Variants in NAA16 observed in about 807,000 individuals in gnomAD.
NAA16 encodes NARG1-like protein.
Under a neutral mutation model 110.3 loss-of-function variants are expected in NAA16, and 97 were observed. The ratio of observed to expected loss-of-function variants is 0.88; its 90% CI spans 0.75 to 1.04. NAA16 has a LOEUF of 1.04. Ranked by LOEUF, NAA16 falls within the 50% of genes least tolerant of loss-of-function variation. The pLI is 0.00. For missense variants in NAA16, 1,017 were observed against 1,005.1 expected (o/e 1.01, Z -0.16); for synonymous variants, 372 against 330.6 (o/e 1.13, Z -1.36).
chr13:41,373,238 A>G, intron 17 of NAA16: 4 of 806,708 alleles, frequency 5.0e-6, no homozygotes, highest in Non-Finnish European at 6.0e-6. Flanking sequence ...TTTAATAATA[A>G]AGGTTTTTTG....
intron 1 of NAA16, among the ~76,000 whole-genome samples, chr13:41,314,237 G>A (rs2041748344): frequency 6.6e-6 from 1 of 152,016 alleles, no homozygotes; most frequent in South Asian, 2.1e-4. Context: ...GCTTCCAATA[G>A]GTGTTAACTA....
In NAA16 at chr13:41,318,887, G is replaced by T; in HGVS notation, c.221G>T (p.Arg74Leu). ...TATGAGTTTGTTCGTAAAGGACTTCGTAATGATGTCAAGAGTCATGTCTGT... is the reference window on the plus strand; with the variant it reads ...TATGAGTTTGTTCGTAAAGGACTTCTTAATGATGTCAAGAGTCATGTCTGT... ...EAYEFVRKGLRNDVKSHVCWH... is the reference protein window; with the variant it reads ...EAYEFVRKGLLNDVKSHVCWH... The change falls in exon 3 of 20, where the codon CGT becomes CTT. Residue 74 changes from arginine to leucine, a missense_variant. Physicochemically the swap from Arg to Leu is moderately radical, Grantham distance 102. Transcript: ENST00000379406. 1 of 1,600,604 alleles carries T rather than the reference G, an allele frequency of 6.2e-7. No homozygotes were observed. Among genetic ancestry groups the T allele is most frequent in the Non-Finnish European group, 8.5e-7 (1 of 1,172,416 alleles).
intron 5 of NAA16, among the ~76,000 whole-genome samples, chr13:41,323,736 C>G (rs928866398): frequency 6.6e-6 from 1 of 151,812 alleles, no homozygotes; most frequent in Non-Finnish European, 1.5e-5. Flanking sequence ...CATCCTGCCT[C>G]GTCTTCCTAA....
intron 14 of NAA16, 55 bp downstream of exon 14, chr13:41,367,707 A>G (rs907195000): frequency 8.4e-7 from 1 of 1,184,738 alleles, no homozygotes; most frequent in Non-Finnish European, 1.2e-6. Flanking sequence ...TCAGAATGCC[A>G]TTAGCGTAAA....
At chr13:41,361,905 T>C (rs1013660541) in intron 12 of NAA16, 126 bp from the exon 13 acceptor site, 2 of 1,009,374 alleles carry the variant, frequency 2.0e-6, no homozygotes, top group Non-Finnish European at 2.9e-6. Context: ...TTTGGAAACA[T>C]ACTGATATAT....
intron 9 of NAA16, among the ~76,000 whole-genome samples, chr13:41,337,549 A>AG: frequency 6.6e-6 from 1 of 151,958 alleles, no homozygotes; most frequent in East Asian, 1.9e-4. Context: ...TCTCAAAAAA[A>AG]AAAAAAAAAA....
At chr13:41,338,548 G>C (rs1297213334) in intron 9 of NAA16, among the ~76,000 whole-genome samples, 1 of 152,138 alleles carries the variant, frequency 6.6e-6, no homozygotes, top group Non-Finnish European at 1.5e-5. Flanking sequence ...CACCAAGTGT[G>C]TTTGCAAAAT....
In NAA16 at chr13:41,328,972, AG is replaced by A. The variant is rs1396268426; in HGVS notation, c.811+131del. On this transcript the variant is annotated intron_variant, in intron 7 of 19. Transcript: ENST00000379406. ...TCATTTTTCCATTTAGTAAAATTAT[AG>A]GTTAAACATGGGAGTAAAAATGAAT... 16 of 756,994 alleles carry A rather than the reference AG, an allele frequency of 2.1e-5. No homozygotes were observed. In the African/African-American group the frequency reaches 2.9e-4, roughly 14 times the overall value. 46.9% of individuals were successfully genotyped at this position (756,994 alleles called of 1,614,324 possible).
intron 9 of NAA16, among the ~76,000 whole-genome samples, chr13:41,339,120 T>TTTGTTG (rs56356158): frequency 5.9e-5 from 9 of 151,314 alleles, no homozygotes; most frequent in South Asian, 4.2e-4. Context: ...ATTTCTTGTT[T>TTTGTTG]TTGTTGTTGT....
intron 1 of NAA16, among the ~76,000 whole-genome samples, chr13:41,313,583 A>G (rs564577008): frequency 2.2e-4 from 34 of 152,344 alleles, no homozygotes; most frequent in African/African-American, 7.7e-4. Flanking sequence ...AATTTTTTCT[A>G]TTGAAAAAAT....
At chr13:41,371,569 T>C (rs2043318105) in intron 15 of NAA16, among the ~76,000 whole-genome samples, 1 of 152,180 alleles carries the variant, frequency 6.6e-6, no homozygotes, top group Non-Finnish European at 1.5e-5. Flanking sequence ...AAATATATTT[T>C]CTCTTCCTTA....
chr13:41,358,763 A>G, intron 11 of NAA16, 47 bp from the exon 12 acceptor site: 1 of 1,530,878 alleles, frequency 6.5e-7, no homozygotes, highest in Non-Finnish European at 8.8e-7. Flanking sequence ...TATTGTACTC[A>G]TATTCTCTTG....
At chr13:41,351,029 G>A (rs1490448221) in intron 9 of NAA16, among the ~76,000 whole-genome samples, 1 of 152,192 alleles carries the variant, frequency 6.6e-6, no homozygotes, top group African/African-American at 2.4e-5. Context: ...GTTTGTGAGT[G>A]TCAGGCTCTT....
chr13:41,369,750 G>A (rs1290898530), intron 15 of NAA16, among the ~76,000 whole-genome samples: 2 of 152,184 alleles, frequency 1.3e-5, no homozygotes, highest in South Asian at 2.1e-4. Flanking sequence ...GAAGATGGAA[G>A]GAGGGTGCCC....
intron 2 of NAA16, 37 bp from the exon 3 acceptor site, chr13:41,318,769 T>C (rs770907807): frequency 6.1e-6 from 7 of 1,147,842 alleles, no homozygotes; most frequent in Non-Finnish European, 8.6e-6. Context: ...AATAATTTTG[T>C]GTCATTTGTA....
intron 5 of NAA16, among the ~76,000 whole-genome samples, chr13:41,323,424 T>C (rs7994269): frequency 0.95 from 142,579 of 150,544 alleles, 67,591 homozygotes; most frequent in South Asian, 0.99. Context: ...GATCTCGGCT[T>C]GCTGCAAGCT....
intron 8 of NAA16, among the ~76,000 whole-genome samples, chr13:41,333,122 T>C (rs898991846): frequency 6.6e-5 from 10 of 152,112 alleles, no homozygotes; most frequent in African/African-American, 2.4e-4. Flanking sequence ...TCTCAGAGCT[T>C]TTAATATACA....
At position 41,355,208 on chromosome 13, in the gene NAA16, G is replaced by A. The variant is rs759498514; in HGVS notation, c.1079G>A (p.Ser360Asn). The A allele has an allele frequency of 6.3e-7, 1 of 1,576,754 alleles. No homozygotes were observed. Among genetic ancestry groups the A allele is most frequent in the Non-Finnish European group, 8.6e-7 (1 of 1,156,972 alleles). Reference sequence around the variant, plus strand: ...TCTCTTAAAACGTGTGACTTTTTTAGCCCATATGGTAAGTTTAAATTAGAT... The same window carrying A: ...TCTCTTAAAACGTGTGACTTTTTTAACCCATATGGTAAGTTTAAATTAGAT... ...EASLKTCDFFSPYENGEKEPP... is the reference protein window; with the variant it reads ...EASLKTCDFFNPYENGEKEPP... The change falls in exon 10 of 20, where the codon AGC becomes AAC. Residue 360 changes from serine to asparagine, a missense_variant. By Grantham distance (46) the Ser-to-Asn change is conservative (BLOSUM62 1). Transcript: ENST00000379406.
rs546731051 is a variant in NAA16, at chr13:41,366,237, T to C, written c.1540-1202T>C. ...TCTTACCCTCCATACTATGTACTTTTATTATAATTTTTGTCTTAAAGTCTC... is the reference window on the plus strand; with the variant it reads ...TCTTACCCTCCATACTATGTACTTTCATTATAATTTTTGTCTTAAAGTCTC... On this transcript the variant is annotated intron_variant, in intron 13 of 19. Coordinates refer to ENST00000379406, the MANE Select transcript of NAA16 (RefSeq NM_024561.5). Among the ~76,000 whole-genome samples the C allele has an allele frequency of 2.0e-5, 3 of 152,196 alleles. No homozygotes were observed. In the South Asian group the frequency reaches 6.2e-4, roughly 31 times the overall value.
Sources: allele counts gnomAD v4.1 joint callset (sites outside exome capture counted in the v4.1 genomes callset), GRCh38; gene constraint gnomAD v4.1.1; transcripts MANE v1.5; gene names NCBI Gene and HGNC (gene_info 2026-07-23, HGNC 2026-07-21).